Variants in WNT2B observed in about 807,000 individuals in gnomAD.
The protein encoded by WNT2B is Wnt family member 2B.
In WNT2B, 19 loss-of-function variants were observed where a neutral mutation model predicts 40.5. That is an observed-to-expected ratio of 0.47 (90% CI 0.33 to 0.69). The LOEUF (loss-of-function observed/expected upper bound fraction) is 0.69. Ranked by LOEUF, WNT2B falls within the 30% of genes least tolerant of loss-of-function variation. The pLI is 0.02. For synonymous variants in WNT2B, 220 were observed against 211.9 expected (o/e 1.04, Z -0.33); for missense variants, 467 against 556.4 (o/e 0.84, Z 1.62).
At chr1:112,501,113 C>T (rs1651937890) in intron 1 of WNT2B, among the ~76,000 whole-genome samples, 1 of 152,178 alleles carries the variant, frequency 6.6e-6, no homozygotes, top group Non-Finnish European at 1.5e-5. Context: ...ATGACCTTGA[C>T]AGTTTTAAGG....
At chr1:112,471,456 A>G (rs1456388416) in intron 1 of WNT2B, among the ~76,000 whole-genome samples, 1 of 152,164 alleles carries the variant, frequency 6.6e-6, no homozygotes, top group Non-Finnish European at 1.5e-5. Context: ...TCTCTCCTAG[A>G]TGTTCTATTG....
In WNT2B at chr1:112,483,788, AAAAAG is replaced by A. The variant is rs201462808; in HGVS notation, c.-95+16201_-95+16205del. ...TCATACAACTGAATAACAAAAAAAA[AAAAAG>A]AAAGAGAGAATAAATTTAAAAAATA... On this transcript the variant is annotated intron_variant, in intron 1 of 4. Transcript: ENST00000256640. 5.1e-3 allele frequency among the ~76,000 whole-genome samples: 775 copies of A among 150,788 alleles called. 6 individuals are homozygous for A. Among genetic ancestry groups the A allele is most frequent in the East Asian group, 0.039 (203 of 5,170 alleles).
intron 1 of WNT2B, among the ~76,000 whole-genome samples, chr1:112,502,173 G>A (rs565944600): frequency 2.0e-5 from 3 of 152,316 alleles, no homozygotes; most frequent in Admixed American, 2.0e-4. Flanking sequence ...CTGCGCCCGC[G>A]GGAGAGAGCG....
intron 1 of WNT2B, among the ~76,000 whole-genome samples, chr1:112,500,922 G>C (rs1226022873): frequency 6.6e-6 from 1 of 152,058 alleles, no homozygotes; most frequent in Non-Finnish European, 1.5e-5. Context: ...TCACAACAGT[G>C]GACCAATACT....
intron 1 of WNT2B, among the ~76,000 whole-genome samples, chr1:112,496,072 G>A (rs932657659): frequency 2.0e-5 from 3 of 152,156 alleles, no homozygotes; most frequent in Non-Finnish European, 4.4e-5. Context: ...CATTAATAGT[G>A]CCATTAAGTT....
Position 112,529,775 on chromosome 1 carries a change from T to C in WNT2B, c.*9266T>C, listed in dbSNP as rs951875942. ...TTAAAAAAAAAAAAAAAAAAAAAGGTAACTATGCTCATTATTTTCAACCAA... is the reference window on the plus strand; with the variant it reads ...TTAAAAAAAAAAAAAAAAAAAAAGGCAACTATGCTCATTATTTTCAACCAA... On this transcript the variant is annotated 3_prime_UTR_variant, in exon 5 of 5. Coordinates refer to ENST00000369684, the MANE Select transcript of WNT2B (RefSeq NM_024494.3). 7.5e-6 allele frequency: 1 copy of C among 132,876 alleles called. No homozygotes were observed. The highest frequency in any genetic ancestry group is 1.6e-5 in the Non-Finnish European group (1 of 62,298). The allele number at this position is 132,876 out of a possible 1,614,324, so 8.2% of individuals were successfully genotyped here.
chr1:112,492,730 T>C (rs1651638756), intron 1 of WNT2B, among the ~76,000 whole-genome samples: 1 of 152,166 alleles, frequency 6.6e-6, no homozygotes. Flanking sequence ...AAATATCCAG[T>C]TTCAGCCCGC....
chr1:112,476,508 C>G (rs1651057697), intron 1 of WNT2B, among the ~76,000 whole-genome samples: 1 of 151,966 alleles, frequency 6.6e-6, no homozygotes. Flanking sequence ...TTGCAGCAAC[C>G]CAAAGGACCA....
chr1:112,483,181 TAC>T (rs58250277), intron 1 of WNT2B, among the ~76,000 whole-genome samples: 1,798 of 141,198 alleles, frequency 0.013, 15 homozygotes, highest in South Asian at 0.025. Flanking sequence ...GCAACATAGA[TAC>T]ACACACACAC....
intron 1 of WNT2B, among the ~76,000 whole-genome samples, chr1:112,510,586 C>T (rs1260596116): frequency 3.9e-5 from 6 of 152,290 alleles, no homozygotes; most frequent in Middle Eastern, 3.4e-3. Context: ...TGAGGGGTAG[C>T]TGGCCGAGGG....
intron 1 of WNT2B, 43 bp from the exon 2 acceptor site, chr1:112,514,831 A>G: frequency 1.2e-6 from 2 of 1,601,330 alleles, no homozygotes; most frequent in Non-Finnish European, 1.7e-6. Flanking sequence ...CCAATGCAGA[A>G]AAAGGTCTGG....
intron 4 of WNT2B, among the ~76,000 whole-genome samples, chr1:112,520,025 A>G (rs1652778052): frequency 1.3e-5 from 2 of 151,920 alleles, no homozygotes; most frequent in South Asian, 4.2e-4. Context: ...GCTCATGCCC[A>G]TGGCACCTGG....
chr1:112,505,577 C>T (rs1479793791), upstream of WNT2B, among the ~76,000 whole-genome samples: 3 of 152,180 alleles, frequency 2.0e-5, no homozygotes, highest in Admixed American at 6.5e-5. Context: ...TGGCCTTGAC[C>T]CTCTGCCTGG....
At chr1:112,484,220 C>CAT (rs571005540) in intron 1 of WNT2B, among the ~76,000 whole-genome samples, 20 of 122,254 alleles carry the variant, frequency 1.6e-4, no homozygotes, top group South Asian at 4.7e-4. Flanking sequence ...TATATATACA[C>CAT]ATATATATAT....
chr1:112,488,126 G>A (rs1006525979), intron 1 of WNT2B, among the ~76,000 whole-genome samples: 17 of 151,904 alleles, frequency 1.1e-4, no homozygotes, highest in Admixed American at 4.6e-4. Context: ...GTGGAACTCC[G>A]TCTCTACCAA....
chr1:112,497,184 C>A (rs1375674964), intron 1 of WNT2B, among the ~76,000 whole-genome samples: 2 of 152,150 alleles, frequency 1.3e-5, no homozygotes, highest in Non-Finnish European at 2.9e-5. Flanking sequence ...CAAGTCCATG[C>A]CTCAACGGGT....
At chr1:112,475,665 G>A (rs1041205047) in intron 1 of WNT2B, among the ~76,000 whole-genome samples, 2 of 151,936 alleles carry the variant, frequency 1.3e-5, no homozygotes, top group Admixed American at 6.6e-5. Context: ...TGTACACAAT[G>A]AGCCATAAAG....
At chr1:112,485,247 G>A (rs1371863247) in intron 1 of WNT2B, among the ~76,000 whole-genome samples, 6 of 152,162 alleles carry the variant, frequency 3.9e-5, no homozygotes, top group Non-Finnish European at 7.3e-5. Flanking sequence ...GATCACCTGA[G>A]GTCAGGAGTT....
In WNT2B at chr1:112,516,252, C is replaced by A. The variant is rs750492651; in HGVS notation, c.516C>A (p.Thr172=). Residue 172 remains threonine (T), a synonymous_variant, in exon 3 of 5, where the codon ACC becomes ACA. Transcript: ENST00000369684. The stretch of plus-strand genomic sequence containing the variant: ...GTGTGTGCAGCTGTGACCCCTACAC[C>A]CGTGGCCGACACCATGACCAGCGTG... The part of the protein sequence containing the change: ...ELSVCSCDPY[T]RGRHHDQRGD... 1.2e-6 allele frequency: 2 copies of A among 1,613,976 alleles called. No individual in the cohort carries two copies. Among genetic ancestry groups the A allele is most frequent in the South Asian group, 1.1e-5 (1 of 91,064 alleles).
Sources: allele counts gnomAD v4.1 joint callset (sites outside exome capture counted in the v4.1 genomes callset), GRCh38; gene constraint gnomAD v4.1.1; transcripts MANE v1.5; gene names NCBI Gene and HGNC (gene_info 2026-07-23, HGNC 2026-07-21).